RAB13: variants seen among roughly 807,000 people sequenced by gnomAD.
RAB13 encodes RAB13, member RAS oncogene family, also known as ras-related protein Rab-13.
Under a neutral mutation model 29.3 loss-of-function variants are expected in RAB13, and 15 were observed. The ratio of observed to expected loss-of-function variants is 0.51; its 90% CI spans 0.34 to 0.79. The LOEUF (loss-of-function observed/expected upper bound fraction) is 0.79. Ranked by LOEUF, RAB13 falls within the 30% of genes least tolerant of loss-of-function variation. The pLI is 0.01. For missense variants in RAB13, 186 were observed against 255.5 expected (o/e 0.73, Z 1.85); for synonymous variants, 82 against 93.8 (o/e 0.87, Z 0.73).
chr1:153,982,569 T>G lies in RAB13; in HGVS notation c.446A>C (p.Glu149Ala). 1 of 1,613,918 alleles carries G rather than the reference T, an allele frequency of 6.2e-7. No individual in the cohort carries two copies. Among genetic ancestry groups the G allele is most frequent in the Non-Finnish European group, 8.5e-7 (1 of 1,179,838 alleles). The change falls in exon 6 of 8, where the codon GAA (glutamate) becomes GCA (alanine). Residue 149 changes from glutamate to alanine, a missense_variant. By Grantham distance (107) the Glu-to-Ala change is moderately radical (BLOSUM62 -1). Coordinates refer to ENST00000368575, the MANE Select transcript of RAB13 (RefSeq NM_002870.5). The part of the protein sequence containing the change: ...LAREHGIRFF[E>A]TSAKSSMNVD... ...ATTCATACTGGATTTAGCACTAGTT[T>G]CGAAAAATCGGATTCCATGCTCTCG...
chr1:153,988,717 G>A (rs543936197), upstream of RAB13, among the ~76,000 whole-genome samples: 10 of 149,410 alleles, frequency 6.7e-5, 1 homozygote, highest in South Asian at 1.5e-3. Flanking sequence ...TGGTTCAAGC[G>A]ATTCTCCTGC....
chr1:153,982,328 C>CA, intron 7 of RAB13, 63 bp downstream of exon 7: 1 of 1,501,084 alleles, frequency 6.7e-7, no homozygotes, highest in Non-Finnish European at 9.2e-7. Context: ...CACACACACA[C>CA]ACACACATAC....
chr1:153,989,859 T>C (rs1384723438), upstream of RAB13, among the ~76,000 whole-genome samples: 1 of 150,816 alleles, frequency 6.6e-6, no homozygotes, highest in Non-Finnish European at 1.5e-5. Flanking sequence ...GCCATCACAC[T>C]ACAGCCTGGG....
At chr1:153,986,347 C>T (rs1258875179), upstream of RAB13, 5 of 859,422 alleles carry the variant, frequency 5.8e-6, no homozygotes, top group Non-Finnish European at 7.2e-6. Flanking sequence ...AAGAAGTTTT[C>T]CTCCCTCTCC....
upstream of RAB13, among the ~76,000 whole-genome samples, chr1:153,987,076 A>T (rs1210806203): frequency 6.6e-6 from 1 of 152,198 alleles, no homozygotes; most frequent in Non-Finnish European, 1.5e-5. Flanking sequence ...CAGAGATTTG[A>T]ACTAAAAATG....
upstream of RAB13, among the ~76,000 whole-genome samples, chr1:153,987,528 A>AAAAAAAAAAAAAG (rs570485139): frequency 2.7e-3 from 349 of 127,366 alleles, 2 homozygotes; most frequent in Non-Finnish European, 4.3e-3. Flanking sequence ...AAAAAAAAAA[A>AAAAAAAAAAAAAG]AAAGAAAGAA....
intron 1 of RAB13, among the ~76,000 whole-genome samples, chr1:153,985,676 G>A (rs1261924553): frequency 6.6e-6 from 1 of 152,062 alleles, no homozygotes; most frequent in Non-Finnish European, 1.5e-5. Flanking sequence ...TGGTGAGGTG[G>A]GGACACAGTG....
chr1:153,985,887 G>A (rs1164786400), intron 1 of RAB13: 5 of 574,366 alleles, frequency 8.7e-6, no homozygotes, highest in African/African-American at 7.6e-5. Context: ...CCAAGAAAAT[G>A]AGGAGCTGGC....
rs1411212499 is a variant in RAB13, at chr1:153,983,526, C to G, written c.241G>C (p.Ala81Pro). The G allele has an allele frequency of 6.2e-7, 1 of 1,607,038 alleles. No homozygotes were observed. Among genetic ancestry groups the G allele is most frequent in the African/African-American group, 1.3e-5 (1 of 74,756 alleles). Reference sequence around the variant, plus strand: ...TTCAGACCCACACTTCATACCATGGCTCCACGGTAGTAGGCAGTAGTTATT... The same window carrying G: ...TTCAGACCCACACTTCATACCATGGGTCCACGGTAGTAGGCAGTAGTTATT... ...KTITTAYYRG[A>P]MGIILVYDIT... The change falls in exon 3 of 8, where the codon GCC becomes CCC. Residue 81 changes from alanine (A) to proline (P), a missense_variant. Physicochemically the swap from Ala to Pro is conservative, Grantham distance 27 (BLOSUM62 -1). Coordinates refer to ENST00000368575, the MANE Select transcript of RAB13 (RefSeq NM_002870.5).
intron 6 of RAB13, 29 bp downstream of exon 6, chr1:153,982,506 T>C: frequency 3.1e-6 from 5 of 1,609,230 alleles, no homozygotes; most frequent in Non-Finnish European, 4.3e-6. Context: ...ACTTCCTCTC[T>C]TGGTCGGGGA....
chr1:153,984,829 G>A (rs1237992775), intron 1 of RAB13, 48 bp from the exon 2 acceptor site: 4 of 1,559,882 alleles, frequency 2.6e-6, no homozygotes, highest in Non-Finnish European at 3.5e-6. Context: ...ATGCACACAT[G>A]TAAAACTGTG....
At chr1:153,986,707 G>GAA (rs111554216), upstream of RAB13, among the ~76,000 whole-genome samples, 2 of 147,782 alleles carry the variant, frequency 1.4e-5, no homozygotes, top group East Asian at 2.0e-4. Context: ...ACTAGAAATT[G>GAA]AAAAAAAAAA....
intron 3 of RAB13, 71 bp downstream of exon 3, chr1:153,983,450 C>A: frequency 6.5e-7 from 1 of 1,536,760 alleles, no homozygotes; most frequent in Non-Finnish European, 9.0e-7. Context: ...GCCCCAACCC[C>A]TGACCCTTTG....
intron 5 of RAB13, 29 bp from the exon 6 acceptor site, chr1:153,982,629 G>A (rs1649023776): frequency 1.2e-6 from 2 of 1,611,938 alleles, no homozygotes; most frequent in Middle Eastern, 1.7e-4. Context: ...GAAGAGAATT[G>A]AATTAAGGAC....
chr1:153,985,001 A>C, intron 1 of RAB13: 1 of 1,266,624 alleles, frequency 7.9e-7, no homozygotes, highest in Non-Finnish European at 9.9e-7. Flanking sequence ...GGATTTTGGG[A>C]GGGAAAAGGT....
At chr1:153,987,528 A>AAAAAAAAAAAAAAAAAAAAAG (rs570485139), upstream of RAB13, among the ~76,000 whole-genome samples, 22 of 127,486 alleles carry the variant, frequency 1.7e-4, no homozygotes, top group Non-Finnish European at 3.2e-4. Context: ...AAAAAAAAAA[A>AAAAAAAAAAAAAAAAAAAAAG]AAAGAAAGAA....
chr1:153,981,758 C>T lies in RAB13; in HGVS notation c.*341G>A, dbSNP rs1174858631. On this transcript the variant is annotated 3_prime_UTR_variant, in exon 8 of 8. Coordinates refer to ENST00000368575, the MANE Select transcript of RAB13 (RefSeq NM_002870.5). ...GCTAGCCTTTTGCAGGACCCTAAAA[C>T]CTGATCTAGTAACAGAATAAATCAG... The T allele has an allele frequency of 3.1e-6, 1 of 324,770 alleles. No homozygotes were observed. Among genetic ancestry groups the T allele is most frequent in the East Asian group, 6.3e-5 (1 of 15,820 alleles). The allele number at this position is 324,770 out of a possible 1,614,324, so 20.1% of individuals were successfully genotyped here.
chr1:153,990,668 A>T, upstream of RAB13: 1 of 1,298,926 alleles, frequency 7.7e-7, no homozygotes, highest in Non-Finnish European at 1.1e-6. Context: ...ACTGCGGCGG[A>T]TCAAAGTAAG....
At chr1:153,984,985 T>G in intron 1 of RAB13, 1 of 1,287,286 alleles carries the variant, frequency 7.8e-7, no homozygotes, top group Non-Finnish European at 9.8e-7. Flanking sequence ...TTTACGTACA[T>G]TTTATGGATT....
Sources: allele counts gnomAD v4.1 joint callset (sites outside exome capture counted in the v4.1 genomes callset), GRCh38; gene constraint gnomAD v4.1.1; transcripts MANE v1.5; gene names NCBI Gene and HGNC (gene_info 2026-07-23, HGNC 2026-07-21).